Variants in ADGRL3 observed in about 807,000 individuals in gnomAD.
The protein encoded by ADGRL3 is adhesion G protein-coupled receptor L3.
A neutral mutation model predicts 153.5 loss-of-function variants in ADGRL3; 62 were observed. That is an observed-to-expected ratio of 0.40 (90% CI 0.33 to 0.50). ADGRL3 has a LOEUF of 0.50. Ranked by LOEUF, ADGRL3 falls within the 20% of genes least tolerant of loss-of-function variation. ADGRL3 has a pLI of 0.47. For missense variants in ADGRL3, 1,641 were observed against 1,859.4 expected (o/e 0.88, Z 2.16); for synonymous variants, 710 against 672.5 (o/e 1.06, Z -0.86).
chr4:62,067,268 T>C (rs2151909422), intron 25 of ADGRL3, among the ~76,000 whole-genome samples: 1 of 152,214 alleles, frequency 6.6e-6, no homozygotes, highest in East Asian at 1.9e-4. Context: ...CTGGTTTTTA[T>C]TTTATGATAC....
At position 61,646,190 on chromosome 4, in the gene ADGRL3, AT is replaced by A. The variant is rs2093974259; in HGVS notation, c.474-30629del. 2.0e-5 allele frequency among the ~76,000 whole-genome samples: 3 copies of A among 151,524 alleles called. No homozygotes were observed. The South Asian group carries it at 6.3e-4, about 32-fold the overall frequency. ...TTATTCTAGTTATACATTCTTCTAAATTTTTTTCAAAGTTTTCAACTTCTTT... is the reference window on the plus strand; with the variant it reads ...TTATTCTAGTTATACATTCTTCTAAATTTTTTCAAAGTTTTCAACTTCTTT... On this transcript the variant is annotated intron_variant, in intron 5 of 26. Transcript: ENST00000683033.
At chr4:61,904,717 GTACCAC>G (rs1560352529) in intron 11 of ADGRL3, among the ~76,000 whole-genome samples, 19 of 151,532 alleles carry the variant, frequency 1.3e-4, no homozygotes, top group African/African-American at 4.6e-4. Flanking sequence ...GAAAATACCA[GTACCAC>G]TATTTCATTT....
chr4:61,945,599 G>C (rs1435672512), intron 15 of ADGRL3, among the ~76,000 whole-genome samples: 1 of 134,894 alleles, frequency 7.4e-6, no homozygotes, highest in Non-Finnish European at 1.6e-5. Context: ...TTCCGTGGGC[G>C]TAGGACCCTC....
intron 8 of ADGRL3, among the ~76,000 whole-genome samples, chr4:61,744,761 G>A (rs1001964126): frequency 6.6e-6 from 1 of 152,018 alleles, no homozygotes. Flanking sequence ...CACAAAGATG[G>A]GGAAAAAACA....
intron 15 of ADGRL3, among the ~76,000 whole-genome samples, chr4:61,945,752 C>T (rs1016133512): frequency 1.3e-5 from 2 of 151,778 alleles, no homozygotes; most frequent in Non-Finnish European, 2.9e-5. Flanking sequence ...TCCCTGACCC[C>T]TTGCGCTTCC....
At chr4:61,439,391 C>A (rs532903299) in intron 2 of ADGRL3, among the ~76,000 whole-genome samples, 1 of 152,022 alleles carries the variant, frequency 6.6e-6, no homozygotes, top group East Asian at 1.9e-4. Flanking sequence ...AGTGAGTGAC[C>A]CTTTTATAAA....
chr4:61,328,033 AT>A (rs199738204), intron 1 of ADGRL3, among the ~76,000 whole-genome samples: 3 of 151,582 alleles, frequency 2.0e-5, no homozygotes, highest in South Asian at 2.1e-4. Flanking sequence ...TTAGAGGAGG[AT>A]TTTTTTTTCT....
chr4:61,988,412 T>A (rs1375353037), intron 19 of ADGRL3, among the ~76,000 whole-genome samples: 1 of 152,150 alleles, frequency 6.6e-6, no homozygotes, highest in Non-Finnish European at 1.5e-5. Flanking sequence ...TATCTCTTTC[T>A]TATATCTTTT....
intron 8 of ADGRL3, among the ~76,000 whole-genome samples, chr4:61,754,914 C>T (rs902205714): frequency 6.6e-6 from 1 of 152,150 alleles, no homozygotes; most frequent in Non-Finnish European, 1.5e-5. Context: ...ATGATGGTTA[C>T]CAGCTTCATG....
chr4:61,800,602 T>A (rs1189136429), intron 8 of ADGRL3, among the ~76,000 whole-genome samples: 4 of 152,190 alleles, frequency 2.6e-5, no homozygotes, highest in African/African-American at 4.8e-5. Flanking sequence ...TGGCGAGTTG[T>A]TTTGATAGGG....
chr4:61,841,328 G>A (rs2148995697), intron 9 of ADGRL3, among the ~76,000 whole-genome samples: 1 of 152,144 alleles, frequency 6.6e-6, no homozygotes, highest in East Asian at 1.9e-4. Flanking sequence ...ATATAAATTA[G>A]GTCATTTCTT....
intron 5 of ADGRL3, among the ~76,000 whole-genome samples, chr4:61,618,284 CAG>C (rs1425721451): frequency 6.6e-6 from 1 of 152,144 alleles, no homozygotes; most frequent in Non-Finnish European, 1.5e-5. Context: ...TAGTAAAACA[CAG>C]ATTATCGTTA....
chr4:62,057,142 T>G (rs1335005747), intron 25 of ADGRL3, among the ~76,000 whole-genome samples: 1 of 152,176 alleles, frequency 6.6e-6, no homozygotes, highest in Non-Finnish European at 1.5e-5. Context: ...TGTTTCTGAA[T>G]GATAGATTCA....
chr4:61,952,923 T>C (rs1261541659), intron 17 of ADGRL3, among the ~76,000 whole-genome samples: 1 of 152,210 alleles, frequency 6.6e-6, no homozygotes, highest in Non-Finnish European at 1.5e-5. Flanking sequence ...AGAGATAAAA[T>C]AAATGGAAAT....
At chr4:61,646,968 T>C (rs959373916) in intron 5 of ADGRL3, among the ~76,000 whole-genome samples, 1 of 152,164 alleles carries the variant, frequency 6.6e-6, no homozygotes, top group Non-Finnish European at 1.5e-5. Flanking sequence ...GGTGCGGATA[T>C]AATCTCCTGG....
At chr4:61,667,187 G>A (rs1192332307) in intron 5 of ADGRL3, among the ~76,000 whole-genome samples, 1 of 152,130 alleles carries the variant, frequency 6.6e-6, no homozygotes, top group Non-Finnish European at 1.5e-5. Context: ...ATATTGTCCA[G>A]AGGTATGTGG....
At chr4:61,412,307 C>T (rs143581155) in intron 2 of ADGRL3, among the ~76,000 whole-genome samples, 5 of 152,040 alleles carry the variant, frequency 3.3e-5, no homozygotes, top group African/African-American at 1.2e-4. Context: ...AGTCTGGTCT[C>T]GAACTCCTGA....
chr4:61,438,950 G>A (rs531817012), intron 2 of ADGRL3, among the ~76,000 whole-genome samples: 2 of 151,702 alleles, frequency 1.3e-5, no homozygotes, highest in Non-Finnish European at 2.9e-5. Flanking sequence ...CTCATGATCC[G>A]CCCACCTCTG....
At chr4:61,277,769 A>G (rs1307893311) in intron 1 of ADGRL3, among the ~76,000 whole-genome samples, 1 of 152,320 alleles carries the variant, frequency 6.6e-6, no homozygotes. Context: ...TGTTGTGAGG[A>G]TCAAATAAAT....
Sources: allele counts gnomAD v4.1 joint callset (sites outside exome capture counted in the v4.1 genomes callset), GRCh38; gene constraint gnomAD v4.1.1; transcripts MANE v1.5; gene names NCBI Gene and HGNC (gene_info 2026-07-23, HGNC 2026-07-21).